Variants in AGRN observed in about 807,000 individuals in gnomAD.
AGRN encodes the protein agrin, also known as agrin proteoglycan.
A neutral mutation model predicts 211.0 loss-of-function variants in AGRN; 106 were observed. That is an observed-to-expected ratio of 0.50 (90% CI 0.43 to 0.59). The LOEUF (loss-of-function observed/expected upper bound fraction) is 0.59, where lower values mean the gene tolerates loss of function less well. Ranked by LOEUF, AGRN falls within the 20% of genes least tolerant of loss-of-function variation. The probability of loss-of-function intolerance (pLI) is 0.00; values close to 1 mark genes in which losing one functional copy is unlikely to be tolerated. For synonymous variants in AGRN, 1,525 were observed against 1,332.5 expected (o/e 1.14, Z -3.15); for missense variants, 3,040 against 2,982.6 (o/e 1.02, Z -0.45).
rs977284297 is a variant in AGRN, at chr1:1,046,841, G to A, written c.3272G>A (p.Ser1091Asn). The A allele has an allele frequency of 6.3e-7, 1 of 1,586,130 alleles. No homozygotes were observed. Among genetic ancestry groups the A allele is most frequent in the Admixed American group, 1.8e-5 (1 of 54,882 alleles). The change falls in exon 19 of 36, where the codon AGC becomes AAC. Residue 1091 changes from serine to asparagine, a missense_variant. Coordinates refer to ENST00000379370, the MANE Select transcript of AGRN (RefSeq NM_198576.4). ...CCAGGGCTCGAGCCCTTGGAGGGCA[G>A]CAGCGTGGCCACCCCTGGGCCACCT... ...GSGGLEPLEG[S>N]SVATPGPPVE...
intron 2 of AGRN, among the ~76,000 whole-genome samples, chr1:1,027,135 C>A (rs564027604): frequency 2.0e-5 from 3 of 152,364 alleles, no homozygotes; most frequent in African/African-American, 7.2e-5. Context: ...CCAGCCCCCT[C>A]CTCCTGCAGT....
At chr1:1,028,120 G>A (rs1255287176) in intron 2 of AGRN, among the ~76,000 whole-genome samples, 2 of 152,152 alleles carry the variant, frequency 1.3e-5, no homozygotes, top group Non-Finnish European at 2.9e-5. Context: ...GGGCTTCCCA[G>A]GGAAGCCGGG....
rs183911305 is a variant in AGRN at position 1,051,795 on chromosome 1, C to T, written c.5631C>T (p.Tyr1877=). The T allele has an allele frequency of 6.2e-7, 1 of 1,613,764 alleles. No individual in the cohort carries two copies. The highest frequency in any genetic ancestry group is 2.2e-5 in the East Asian group (1 of 44,876). Residue 1877 remains tyrosine (Y), a synonymous_variant, in exon 33 of 36, where the codon TAC becomes TAT. Transcript: ENST00000379370. ...TTGACGGGCGGACCTTTGTCGAGTACCTCAACGCTGTGACCGAGAGGTAAC... is the reference window on the plus strand; with the variant it reads ...TTGACGGGCGGACCTTTGTCGAGTATCTCAACGCTGTGACCGAGAGGTAAC... ...LAFDGRTFVE[Y]LNAVTESEKA... is the part of the protein sequence containing the mutation.
intron 3 of AGRN, among the ~76,000 whole-genome samples, chr1:1,038,982 C>G (rs1570183615): frequency 6.6e-6 from 1 of 152,200 alleles, no homozygotes; most frequent in Non-Finnish European, 1.5e-5. Flanking sequence ...ACAGTGGCAG[C>G]AGACGGGCCA....
chr1:1,040,872 G>A lies in AGRN; in HGVS notation c.719G>A (p.Gly240Glu). The A allele has an allele frequency of 9.2e-6, 14 of 1,517,162 alleles. No homozygotes were observed. Among genetic ancestry groups the A allele is most frequent in the Non-Finnish European group, 1.2e-5 (14 of 1,140,238 alleles). 94.0% of individuals were successfully genotyped at this position (1,517,162 alleles called of 1,614,324 possible). Reference sequence around the variant, plus strand: ...CGCCGCATCCGCCTGCTCAGCCGCGGGCCGTGCGGTGAGCGGGGCGGGGCC... The same window carrying A: ...CGCCGCATCCGCCTGCTCAGCCGCGAGCCGTGCGGTGAGCGGGGCGGGGCC... ...QQRRIRLLSRGPCGSRDPCSN... is the reference protein window; with the variant it reads ...QQRRIRLLSREPCGSRDPCSN... The change falls in exon 4 of 36, where the codon GGG becomes GAG. Residue 240 changes from glycine (G) to glutamate (E), a missense_variant. Gly to Glu is a moderately conservative substitution (Grantham distance 98). Around this residue, in one of 3 missense-constraint regions of AGRN, gnomAD observed 1,498 missense variants for 1,457.8 expected, o/e 1.03. Transcript: ENST00000379370.
Position 1,041,275 on chromosome 1 carries a change from G to A in AGRN, c.830G>A (p.Arg277His). ...TCGTGCCTGTGCCCCGCGACCTGCC[G>A]TGGCGCCCCCGAGGGGACCGTCTGC... is the stretch of plus-strand genomic sequence containing the variant. The part of the protein sequence containing the change: ...TASCLCPATC[R>H]GAPEGTVCGS... Residue 277 changes from arginine (R) to histidine (H), a missense_variant, in exon 5 of 36, where the codon CGT becomes CAT. Around this residue, in one of 3 missense-constraint regions of AGRN, gnomAD observed 1,498 missense variants for 1,457.8 expected, o/e 1.03. Transcript: ENST00000379370. 1 of 1,508,828 alleles carries A rather than the reference G, an allele frequency of 6.6e-7. No individual in the cohort carries two copies. The allele number at this position is 1,508,828 out of a possible 1,614,324, so 93.5% of individuals were successfully genotyped here. A position where few individuals can be genotyped will look rare whatever the true frequency, so the allele number is the denominator to read the frequency against.
chr1:1,035,410 G>C, intron 3 of AGRN, 86 bp downstream of exon 3: 1 of 1,531,830 alleles, frequency 6.5e-7, no homozygotes, highest in Non-Finnish European at 9.0e-7. Flanking sequence ...ACCCAGACGT[G>C]TGGAGTGTGT....
In AGRN at chr1:1,054,865, G is replaced by A. The variant is rs766962416; in HGVS notation, c.6022G>A (p.Ala2008Thr). The A allele has an allele frequency of 1.6e-5, 25 of 1,557,864 alleles. No homozygotes were observed. The South Asian group carries it at 3.0e-4, about 18-fold the overall frequency. ...GCCCGTGGGCCCAGCACTGCCCAAG[G>A]CCTACGGCACAGGCTTTGTGGGCTG... ...ELPVGPALPKAYGTGFVGCLR... is the reference protein window; with the variant it reads ...ELPVGPALPKTYGTGFVGCLR... The change falls in exon 36 of 36, where the codon GCC becomes ACC. Residue 2008 changes from alanine (A) to threonine (T), a missense_variant. By Grantham distance (58) the Ala-to-Thr change is moderately conservative. Coordinates refer to ENST00000379370, the MANE Select transcript of AGRN (RefSeq NM_198576.4).
At chr1:1,035,030 G>A (rs1388274341) in intron 2 of AGRN, 1 of 599,988 alleles carries the variant, frequency 1.7e-6, no homozygotes, top group Non-Finnish European at 2.9e-6. Flanking sequence ...CCTGTGGCTG[G>A]GGCCCCATCT....
rs1051289078 is a variant in AGRN, at chr1:1,050,805, G to C, written c.5221G>C (p.Gly1741Arg). ...RNGRKGALRV[G>R]DGPRVLGESP... is the part of the protein sequence containing the mutation. ...CGGCCGCAAGGGTGCCCTGCGTGTG[G>C]GCGACGGCCCCCGTGTGTTGGGGGA... The change falls in exon 30 of 36, where the codon GGC becomes CGC. Residue 1741 changes from glycine to arginine, a missense_variant. This residue lies in a region of AGRN where 1,537 missense variants were observed against 1,505.0 expected (regional missense o/e 1.02). Transcript: ENST00000379370. 3.9e-5 allele frequency: 62 copies of C among 1,595,306 alleles called. No individual in the cohort carries two copies. Among genetic ancestry groups the C allele is most frequent in the Non-Finnish European group, 4.7e-5 (55 of 1,174,914 alleles).
chr1:1,021,559 C>T (rs905536661), intron 1 of AGRN, among the ~76,000 whole-genome samples: 6 of 152,240 alleles, frequency 3.9e-5, no homozygotes, highest in Admixed American at 6.5e-5. Context: ...TGCGTGAGTG[C>T]GTGGGTCCCT....
At chr1:1,045,085 G>A in intron 12 of AGRN, 76 bp from the exon 13 acceptor site, 1 of 1,496,926 alleles carries the variant, frequency 6.7e-7, no homozygotes, top group Non-Finnish European at 9.3e-7. Context: ...GTGGGGGTAG[G>A]TGGAGGCAGA....
At chr1:1,035,236 C>T (rs1195624044) in intron 2 of AGRN, 41 bp from the exon 3 acceptor site, 13 of 1,610,138 alleles carry the variant, frequency 8.1e-6, no homozygotes, top group Non-Finnish European at 1.1e-5. Flanking sequence ...AGGGAGGAGC[C>T]TGCTCAGAGG....
In AGRN at chr1:1,022,321, T is replaced by A. The variant is rs1403219344; in HGVS notation, c.322T>A (p.Ser108Thr). 6.2e-7 allele frequency: 1 copy of A among 1,613,304 alleles called. No individual in the cohort carries two copies. Among genetic ancestry groups the A allele is most frequent in the Non-Finnish European group, 8.5e-7 (1 of 1,180,006 alleles). ...GDPLICDNQV[S>T]TGDTRIFFVN... ...CCCCCTCATCTGTGACAACCAGGTG[T>A]CCACTGGGGACACCAGGATCTTCTT... is the stretch of plus-strand genomic sequence containing the variant. Residue 108 changes from serine (S) to threonine (T), a missense_variant, in exon 2 of 36, where the codon TCC (serine) becomes ACC (threonine). Ser to Thr is a moderately conservative substitution (Grantham distance 58, BLOSUM62 1). This residue lies in a region of AGRN where 1,498 missense variants were observed against 1,457.8 expected (regional missense o/e 1.03). Transcript: ENST00000379370.
chr1:1,046,509 C>G lies in AGRN; in HGVS notation c.3024C>G (p.Pro1008=), dbSNP rs919858261. Residue 1008 remains proline (P), a synonymous_variant, in exon 18 of 36, where the codon CCC becomes CCG. Coordinates refer to ENST00000379370, the MANE Select transcript of AGRN (RefSeq NM_198576.4). ...PAPPGALPLA[P]SSTAHSQTTP... is the part of the protein sequence containing the mutation. ...CCCCCGGCGCCCTCCCCCTGGCTCC[C>G]AGCAGTACCGCACACAGCCAGACCA... 1 of 1,610,996 alleles carries G rather than the reference C, an allele frequency of 6.2e-7. No individual in the cohort carries two copies. The highest frequency in any genetic ancestry group is 8.5e-7 in the Non-Finnish European group (1 of 1,178,974).
rs1003793126 is a variant in AGRN at position 1,048,461 on chromosome 1, G to C, written c.4105+96G>C. 3 of 1,073,214 alleles carry C rather than the reference G, an allele frequency of 2.8e-6. No individual in the cohort carries two copies. The highest frequency in any genetic ancestry group is 2.6e-6 in the Non-Finnish European group (2 of 773,756). The allele number at this position is 1,073,214 out of a possible 1,614,324, so 66.5% of individuals were successfully genotyped here. A position where few individuals can be genotyped will look rare whatever the true frequency, so the allele number is the denominator to read the frequency against. ...GCCACCATCAGGCTTTGAGTTGGGG[G>C]CAGGAGCCCGGATTAAGGCGGGGTT... On this transcript the variant is annotated intron_variant, in intron 23 of 35. Coordinates refer to ENST00000379370, the MANE Select transcript of AGRN (RefSeq NM_198576.4). The surrounding 1 kb of genome is among the most constrained non-coding windows in gnomAD (Gnocchi z 5.9).
At chr1:1,043,489 C>G in intron 8 of AGRN, 32 bp downstream of exon 8, 2 of 1,599,000 alleles carry the variant, frequency 1.3e-6, no homozygotes, top group Non-Finnish European at 1.7e-6. Flanking sequence ...TGGTGGGGGT[C>G]GGGGAGAGAG....
chr1:1,045,342 C>T lies in AGRN; in HGVS notation c.2372-17C>T. ...GGCTGTGCGGCCACGTGACCTTGTC[C>T]TGCCCTGGCCTTTCAGGTGCCTGCC... On this transcript the variant is annotated splice_polypyrimidine_tract_variant and intron_variant, in intron 13 of 35. Transcript: ENST00000379370. 6.2e-7 allele frequency: 1 copy of T among 1,611,922 alleles called. No individual in the cohort carries two copies. Among genetic ancestry groups the T allele is most frequent in the Non-Finnish European group, 8.5e-7 (1 of 1,179,900 alleles).
At chr1:1,054,088 T>C in intron 34 of AGRN, 111 bp downstream of exon 34, 1 of 1,209,754 alleles carries the variant, frequency 8.3e-7, no homozygotes. Context: ...CACGCCTTGC[T>C]GCCTGAGCCG....
Sources: gnomAD v4.1 joint callset for allele counts (sites outside exome capture counted in the v4.1 genomes callset) on GRCh38, gnomAD v4.1.1 for gene constraint, gnomAD v4.1.1 regional missense constraint, Gnocchi (gnomAD v3.1) non-coding constraint, MANE v1.5 for transcripts, NCBI Gene and HGNC (gene_info 2026-07-23, HGNC 2026-07-21) for gene names.